Variants in PARG observed in about 807,000 individuals in gnomAD.
PARG encodes the protein mitochondrial poly(ADP-ribose) glycohydrolase.
Under a neutral mutation model 113.0 loss-of-function variants are expected in PARG, and 35 were observed. The observed-to-expected ratio is 0.31, with a 90% CI of 0.24 to 0.41. The LOEUF (loss-of-function observed/expected upper bound fraction) is 0.41. Among genes scored for constraint, PARG ranks in the 10% least tolerant of loss-of-function variants. The pLI is 1.00. For synonymous variants in PARG, 330 were observed against 409.9 expected (o/e 0.81, Z 2.36); for missense variants, 797 against 1,169.4 (o/e 0.68, Z 4.64).
chr10:49,843,052 G>C (rs34419748), intron 14 of PARG, among the ~76,000 whole-genome samples: 28,964 of 152,222 alleles, frequency 0.19, 3,306 homozygotes, highest in Non-Finnish European at 0.27. Flanking sequence ...GAATGTCAAA[G>C]TAGAAGACTA....
At chr10:49,929,006 A>G (rs530446071) in intron 4 of PARG, among the ~76,000 whole-genome samples, 91 of 152,368 alleles carry the variant, frequency 6.0e-4, no homozygotes, top group Admixed American at 5.1e-3. Context: ...ATGCTTTCAT[A>G]TAATAGTTGT....
chr10:49,922,756 T>TAC, intron 4 of PARG, 87 bp from the exon 5 acceptor site: 1 of 695,692 alleles, frequency 1.4e-6, no homozygotes, highest in East Asian at 3.0e-5. Flanking sequence ...AAGCAAATGC[T>TAC]ATAAAATAGA....
intron 15 of PARG, among the ~76,000 whole-genome samples, chr10:49,836,169 G>A (rs1554831054): frequency 6.6e-6 from 1 of 151,970 alleles, no homozygotes; most frequent in African/African-American, 2.4e-5. Context: ...TATTCTATTT[G>A]CTGGAATAAT....
In PARG at chr10:49,933,917, C is replaced by T. The variant is rs1294786942; in HGVS notation, c.531G>A (p.Leu177=). The T allele has an allele frequency of 3.9e-5, 63 of 1,605,434 alleles. No homozygotes were observed. Among genetic ancestry groups the T allele is most frequent in the Non-Finnish European group, 4.7e-5 (55 of 1,172,290 alleles). ...LLESEPQTVT[L]VPEQFSNANI... ...TAGCATTACTAAACTGCTCTGGTAC[C>T]AGGGTTACTGTTTGAGGTTCACTTT... is the stretch of plus-strand genomic sequence containing the variant. Residue 177 remains leucine (L), a synonymous_variant, in exon 3 of 18, where the codon CTG becomes CTA. Coordinates refer to ENST00000616448, the MANE Select transcript of PARG (RefSeq NM_003631.5).
intron 1 of PARG, among the ~76,000 whole-genome samples, chr10:49,939,266 G>A (rs1255153113): frequency 6.6e-6 from 1 of 151,940 alleles, no homozygotes; most frequent in Non-Finnish European, 1.5e-5. Context: ...TAAACACATC[G>A]CTTACTAGAC....
intron 7 of PARG, among the ~76,000 whole-genome samples, chr10:49,905,110 G>A (rs1218008130): frequency 1.4e-4 from 21 of 152,284 alleles, no homozygotes; most frequent in Non-Finnish European, 4.4e-5. Flanking sequence ...AATAAGACGA[G>A]CTTTTCCTTT....
intron 7 of PARG, among the ~76,000 whole-genome samples, chr10:49,891,617 ATATATATTTTTTTTT>A (rs1190805137): frequency 1.0e-4 from 5 of 48,324 alleles, no homozygotes; most frequent in Admixed American, 4.9e-4. Flanking sequence ...ATATATATAT[ATATATATTTTTTTTT>A]TTTTTTTTTT....
At chr10:49,868,112 C>T (rs185448550) in intron 10 of PARG, among the ~76,000 whole-genome samples, 213 of 152,224 alleles carry the variant, frequency 1.4e-3, no homozygotes, top group African/African-American at 3.1e-3. Flanking sequence ...CTCAACCTCC[C>T]GAGTAGCTGG....
At position 49,933,547 on chromosome 10, in the gene PARG, C is replaced by G. The variant is rs1589012246; in HGVS notation, c.901G>C (p.Glu301Gln). The G allele has an allele frequency of 6.2e-7, 1 of 1,611,454 alleles. No individual in the cohort carries two copies. The highest frequency in any genetic ancestry group is 1.3e-5 in the African/African-American group (1 of 74,986). The part of the protein sequence containing the change: ...SPPFEKESEP[E>Q]SPMDVDNSKN... Reference sequence around the variant, plus strand: ...GAATTATCCACATCCATCGGTGACTCGGGTTCACTTTCCTTCTCAAATGGA... The same window carrying G: ...GAATTATCCACATCCATCGGTGACTGGGGTTCACTTTCCTTCTCAAATGGA... The change falls in exon 3 of 18, where the codon GAG (glutamate) becomes CAG (glutamine). Residue 301 changes from glutamate to glutamine, a missense_variant. Coordinates refer to ENST00000616448, the MANE Select transcript of PARG (RefSeq NM_003631.5).
chr10:49,898,834 T>C (rs1411070018), intron 7 of PARG, among the ~76,000 whole-genome samples: 4 of 151,886 alleles, frequency 2.6e-5, no homozygotes, highest in African/African-American at 9.7e-5. Context: ...TTCAAGTCTA[T>C]CCAAATTTAC....
chr10:49,845,596 T>C (rs1383182921), intron 13 of PARG, among the ~76,000 whole-genome samples: 1 of 152,134 alleles, frequency 6.6e-6, no homozygotes, highest in African/African-American at 2.4e-5. Context: ...GCTTACTTAA[T>C]GCAAATTGTA....
chr10:49,884,402 G>A (rs1472873383), intron 8 of PARG, among the ~76,000 whole-genome samples: 2 of 152,182 alleles, frequency 1.3e-5, no homozygotes, highest in Non-Finnish European at 2.9e-5. Flanking sequence ...AGTTTGAGAC[G>A]AGCCTGGCAA....
chr10:49,912,081 CTT>C (rs1837217223), intron 7 of PARG, among the ~76,000 whole-genome samples: 1 of 152,090 alleles, frequency 6.6e-6, no homozygotes, highest in African/African-American at 2.4e-5. Flanking sequence ...GTGCAGATCA[CTT>C]GAGGTCAGGA....
At chr10:49,852,540 A>G (rs1225138217) in intron 13 of PARG, among the ~76,000 whole-genome samples, 1 of 147,124 alleles carries the variant, frequency 6.8e-6, no homozygotes, top group African/African-American at 2.5e-5. Context: ...GGAGGATGAC[A>G]ATGTACTGGC....
chr10:49,941,484 C>A lies in PARG; in HGVS notation c.217+25G>T. ...AGAAGGTTCGGGCCGAGGCGAAGGA[C>A]AAAGATTTTTATTTTCCCACGTACC... is the stretch of plus-strand genomic sequence containing the variant. On this transcript the variant is annotated intron_variant, in intron 1 of 17. Transcript: ENST00000616448. 13 of 1,512,536 alleles carry A rather than the reference C, an allele frequency of 8.6e-6. No individual in the cohort carries two copies. The South Asian group carries it at 1.4e-4, about 17-fold the overall frequency. The allele number at this position is 1,512,536 out of a possible 1,614,324, so 93.7% of individuals were successfully genotyped here.
intron 16 of PARG, among the ~76,000 whole-genome samples, chr10:49,832,330 CCT>C (rs763100100): frequency 6.6e-6 from 1 of 152,206 alleles, no homozygotes; most frequent in Non-Finnish European, 1.5e-5. Flanking sequence ...TCTCATACTG[CCT>C]CTCTCTCATA....
chr10:49,915,953 T>A lies in PARG; in HGVS notation c.1701A>T (p.Lys567Asn), dbSNP rs1837449434. ...AATCGATCAAAGCTGTAAAGTCCCA[T>A]TTCTTAGAATATGCCACATTGTATT... ...ILKYNVAYSK[K>N]WDFTALIDFW... The change falls in exon 7 of 18, where the codon AAA (lysine) becomes AAT (asparagine). Residue 567 changes from lysine to asparagine, a missense_variant. Lys to Asn is a moderately conservative substitution (Grantham distance 94, BLOSUM62 0). Coordinates refer to ENST00000616448, the MANE Select transcript of PARG (RefSeq NM_003631.5). 1.3e-6 allele frequency: 2 copies of A among 1,542,478 alleles called. No individual in the cohort carries two copies. The highest frequency in any genetic ancestry group is 2.4e-5 in the East Asian group (1 of 41,162).
At chr10:49,838,491 C>T (rs1845064077) in intron 15 of PARG, among the ~76,000 whole-genome samples, 1 of 150,100 alleles carries the variant, frequency 6.7e-6, no homozygotes, top group Admixed American at 6.6e-5. Context: ...AATTTGAGCC[C>T]TGGTTTGGTC....
At chr10:49,935,626 T>A (rs1838704938) in intron 1 of PARG, among the ~76,000 whole-genome samples, 1 of 152,104 alleles carries the variant, frequency 6.6e-6, no homozygotes, top group South Asian at 2.1e-4. Flanking sequence ...ATAAAGGAAT[T>A]AAGGTTATTT....
Sources: allele counts gnomAD v4.1 joint callset (sites outside exome capture counted in the v4.1 genomes callset), GRCh38; gene constraint gnomAD v4.1.1; transcripts MANE v1.5; gene names NCBI Gene and HGNC (gene_info 2026-07-23, HGNC 2026-07-21).